The following AGPAT5 variants were observed in gnomAD, a reference collection of about 807,000 sequenced individuals.
AGPAT5 encodes the protein 1-acyl-sn-glycerol-3-phosphate acyltransferase epsilon.
In AGPAT5, 46 loss-of-function variants were observed where a neutral mutation model predicts 45.6. That is an observed-to-expected ratio of 1.01 (90% CI 0.80 to 1.29). The LOEUF (loss-of-function observed/expected upper bound fraction) is 1.29, where lower values mean the gene tolerates loss of function less well. Ranked by LOEUF, AGPAT5 falls within the 50% of genes most tolerant of loss-of-function variation. AGPAT5 has a pLI of 0.00. For synonymous variants in AGPAT5, 272 were observed against 167.0 expected (o/e 1.63, Z -4.85); for missense variants, 673 against 450.7 (o/e 1.49, Z -4.47).
chr8:6,732,972 T>G (rs1368203977), intron 4 of AGPAT5, among the ~76,000 whole-genome samples: 14 of 152,234 alleles, frequency 9.2e-5, no homozygotes, highest in Admixed American at 8.5e-4. Flanking sequence ...CAAGCTCATC[T>G]TACTTCTTGT....
In AGPAT5 at chr8:6,741,744, C is replaced by T; in HGVS notation, c.579C>T (p.Ala193=). The T allele has an allele frequency of 1.2e-6, 2 of 1,609,904 alleles. No homozygotes were observed. Among genetic ancestry groups the T allele is most frequent in the Non-Finnish European group, 1.7e-6 (2 of 1,177,380 alleles). Residue 193 remains alanine (A), a synonymous_variant, in exon 5 of 8, where the codon GCC becomes GCT. Transcript: ENST00000285518. ...KVLSASQAFA[A]QRGLAVLKHV... is the part of the protein sequence containing the mutation. The stretch of plus-strand genomic sequence containing the variant: ...TTTCAGCTAGTCAGGCATTTGCTGC[C>T]CAACGTGGTAAGTAAAAATTTGAGT...
chr8:6,754,201 T>A (rs1587069785), intron 6 of AGPAT5, among the ~76,000 whole-genome samples: 1 of 152,322 alleles, frequency 6.6e-6, no homozygotes, highest in Middle Eastern at 3.4e-3. Context: ...TAGTCTCCGT[T>A]CTTTCTTGGA....
At chr8:6,716,308 C>G (rs1405088933) in intron 1 of AGPAT5, among the ~76,000 whole-genome samples, 1 of 152,026 alleles carries the variant, frequency 6.6e-6, no homozygotes, top group African/African-American at 2.4e-5. Flanking sequence ...CCTGTAATCC[C>G]AGCATTTTGG....
intron 2 of AGPAT5, among the ~76,000 whole-genome samples, chr8:6,729,803 C>T (rs1170829014): frequency 6.6e-6 from 1 of 152,076 alleles, no homozygotes; most frequent in Non-Finnish European, 1.5e-5. Context: ...ACCATCTTAC[C>T]CTTGTTTTTG....
At chr8:6,715,803 C>G (rs1004829955) in intron 1 of AGPAT5, among the ~76,000 whole-genome samples, 2 of 152,080 alleles carry the variant, frequency 1.3e-5, no homozygotes, top group Non-Finnish European at 2.9e-5. Flanking sequence ...TAAAGTAACT[C>G]TTTGCTTGGG....
At chr8:6,743,068 G>C (rs1458841935) in intron 5 of AGPAT5, among the ~76,000 whole-genome samples, 1 of 152,008 alleles carries the variant, frequency 6.6e-6, no homozygotes, top group East Asian at 1.9e-4. Context: ...AATTTGTTTT[G>C]GTCTGATTTG....
chr8:6,714,355 C>G (rs1329631244), intron 1 of AGPAT5, among the ~76,000 whole-genome samples: 1 of 152,182 alleles, frequency 6.6e-6, no homozygotes, highest in East Asian at 1.9e-4. Context: ...TAAACATTTC[C>G]CAATCAAATA....
chr8:6,754,344 T>A (rs1801756595), intron 6 of AGPAT5, among the ~76,000 whole-genome samples: 1 of 152,196 alleles, frequency 6.6e-6, no homozygotes, highest in Non-Finnish European at 1.5e-5. Flanking sequence ...TTTGGTTCTT[T>A]TACCAATTAT....
chr8:6,744,473 C>T (rs969145240), intron 5 of AGPAT5, among the ~76,000 whole-genome samples: 4 of 152,306 alleles, frequency 2.6e-5, no homozygotes, highest in African/African-American at 7.2e-5. Flanking sequence ...TCTTACTCAG[C>T]TGAAATCAAG....
chr8:6,758,231 C>T lies in AGPAT5; in HGVS notation c.*843C>T, dbSNP rs1428243750. On this transcript the variant is annotated 3_prime_UTR_variant, in exon 8 of 8. Transcript: ENST00000285518. ...TTTGTTTTTTTAATATCAAAAGAGT[C>T]GGTGTGAACCTTGGTTGGACCCCAA... 4 of 152,672 alleles carry T rather than the reference C, an allele frequency of 2.6e-5. No homozygotes were observed. The highest frequency in any genetic ancestry group is 1.9e-4 in the East Asian group (1 of 5,184). 9.5% of individuals were successfully genotyped at this position (152,672 alleles called of 1,614,324 possible).
chr8:6,714,855 A>C (rs570801989), intron 1 of AGPAT5, among the ~76,000 whole-genome samples: 1 of 152,276 alleles, frequency 6.6e-6, no homozygotes, highest in Non-Finnish European at 1.5e-5. Context: ...GTATATACCT[A>C]GTTTACTTTC....
Position 6,759,185 on chromosome 8 carries a change from C to G in AGPAT5, c.*1797C>G, listed in dbSNP as rs909415427. On this transcript the variant is annotated 3_prime_UTR_variant, in exon 8 of 8. Coordinates refer to ENST00000285518, the MANE Select transcript of AGPAT5 (RefSeq NM_018361.5). ...AGTAAAATTTAGATCAATTCCATGT[C>G]TTTGTTAAGTACAGGGATTTAATAT... The G allele has an allele frequency of 6.6e-6, 1 of 152,074 alleles. No homozygotes were observed. Among genetic ancestry groups the G allele is most frequent in the African/African-American group, 2.4e-5 (1 of 41,400 alleles). 9.4% of individuals were successfully genotyped at this position (152,074 alleles called of 1,614,324 possible).
chr8:6,721,303 C>A (rs1443524617), intron 1 of AGPAT5, among the ~76,000 whole-genome samples: 1 of 152,144 alleles, frequency 6.6e-6, no homozygotes, highest in Non-Finnish European at 1.5e-5. Context: ...TATATGTAAT[C>A]ATATTGAAAT....
At chr8:6,728,854 T>C (rs1372655195) in intron 2 of AGPAT5, among the ~76,000 whole-genome samples, 2 of 152,234 alleles carry the variant, frequency 1.3e-5, no homozygotes, top group Non-Finnish European at 2.9e-5. Flanking sequence ...AGTTATTATT[T>C]CTTCCATCTA....
chr8:6,716,503 GC>G, intron 1 of AGPAT5, among the ~76,000 whole-genome samples: 1 of 152,222 alleles, frequency 6.6e-6, no homozygotes, highest in East Asian at 1.9e-4. Context: ...AGAGGCTCCA[GC>G]TTGGGCGACA....
chr8:6,724,446 A>G (rs902593551), intron 1 of AGPAT5, among the ~76,000 whole-genome samples: 2 of 152,236 alleles, frequency 1.3e-5, no homozygotes, highest in Admixed American at 6.5e-5. Flanking sequence ...TGAAAAAAGA[A>G]AAAACAAATT....
intron 1 of AGPAT5, among the ~76,000 whole-genome samples, chr8:6,711,741 C>G (rs992813): frequency 6.6e-6 from 1 of 151,984 alleles, no homozygotes; most frequent in Non-Finnish European, 1.5e-5. Context: ...AGGGGGAATC[C>G]GTTCTTGTGG....
At chr8:6,753,421 G>A (rs1019987296) in intron 6 of AGPAT5, among the ~76,000 whole-genome samples, 2 of 152,202 alleles carry the variant, frequency 1.3e-5, no homozygotes, top group Non-Finnish European at 2.9e-5. Context: ...GAAAATTGGT[G>A]TCGGAATCTG....
chr8:6,716,519 G>A (rs776806320), intron 1 of AGPAT5, among the ~76,000 whole-genome samples: 2 of 151,894 alleles, frequency 1.3e-5, no homozygotes, highest in Non-Finnish European at 2.9e-5. Flanking sequence ...GCGACAGAGT[G>A]AGACCCTGTC....
Sources: gnomAD v4.1 joint callset for allele counts (sites outside exome capture counted in the v4.1 genomes callset) on GRCh38, gnomAD v4.1.1 for gene constraint, MANE v1.5 for transcripts, NCBI Gene and HGNC (gene_info 2026-07-23, HGNC 2026-07-21) for gene names.